SCML2: variants seen among roughly 807,000 people sequenced by gnomAD.
SCML2 encodes the protein sex comb on midleg-like protein 2.
Under a neutral mutation model 48.4 loss-of-function variants are expected in SCML2, and 6 were observed. The ratio of observed to expected loss-of-function variants is 0.12; its 90% CI spans 0.07 to 0.24. The LOEUF (loss-of-function observed/expected upper bound fraction) is 0.24. Among genes scored for constraint, SCML2 ranks in the 10% least tolerant of loss-of-function variants. The probability of loss-of-function intolerance (pLI) is 1.00; values close to 1 mark genes in which losing one functional copy is unlikely to be tolerated. For missense variants in SCML2, 377 were observed against 528.2 expected, an observed-to-expected ratio of 0.71 and a Z score of 2.81; for synonymous variants, 181 against 189.5, an observed-to-expected ratio of 0.95 and a Z score of 0.37.
At chrX:18,248,780 T>C (rs1201159862) in intron 11 of SCML2, among the ~76,000 whole-genome samples, 1 of 112,551 alleles carries the variant, frequency 8.9e-6, no homozygotes, top group East Asian at 2.8e-4. Flanking sequence ...TGGCTTTTCA[T>C]ACCCATTTAA....
chrX:18,300,036 G>A (rs1729356547), intron 7 of SCML2, among the ~76,000 whole-genome samples: 1 of 110,925 alleles, frequency 9.0e-6, no homozygotes, highest in African/African-American at 3.3e-5. Flanking sequence ...ACTATGCCTG[G>A]CCAGAAAAGG....
At chrX:18,351,217 C>T (rs1466003683) in intron 1 of SCML2, among the ~76,000 whole-genome samples, 1 of 108,920 alleles carries the variant, frequency 9.2e-6, no homozygotes, top group African/African-American at 3.3e-5. Flanking sequence ...CTGCAGTGGG[C>T]TGAGATCACG....
chrX:18,337,560 A>C (rs188870853), intron 1 of SCML2, among the ~76,000 whole-genome samples: 5 of 110,594 alleles, frequency 4.5e-5, no homozygotes, highest in African/African-American at 1.6e-4. Flanking sequence ...CAATACTCAA[A>C]AAAGATATGA....
intron 7 of SCML2, among the ~76,000 whole-genome samples, chrX:18,292,313 G>A (rs1421081863): frequency 9.0e-6 from 1 of 110,955 alleles, no homozygotes; most frequent in Non-Finnish European, 1.9e-5. Flanking sequence ...AGTTATCTAT[G>A]GAAACAGAGA....
At chrX:18,293,188 T>C (rs1449700348) in intron 7 of SCML2, among the ~76,000 whole-genome samples, 1 of 112,028 alleles carries the variant, frequency 8.9e-6, no homozygotes, top group African/African-American at 3.2e-5. Flanking sequence ...CTTTCAAGAA[T>C]ATACAAATTA....
At chrX:18,347,865 A>G (rs1472554070) in intron 1 of SCML2, among the ~76,000 whole-genome samples, 1 of 110,622 alleles carries the variant, frequency 9.0e-6, no homozygotes, top group Non-Finnish European at 1.9e-5. Context: ...TTTCTAAAGG[A>G]GCAATTTTAA....
At chrX:18,260,350 AT>A in intron 8 of SCML2, 59 bp from the exon 9 acceptor site, 1 of 900,177 alleles carries the variant, frequency 1.1e-6, no homozygotes, top group Non-Finnish European at 1.5e-6. Context: ...ATATTCTTAG[AT>A]AAGAAAGTCA....
In SCML2 at chrX:18,289,879, G is replaced by T. The variant is rs757855299; in HGVS notation, c.730+15093C>A. Reference sequence around the variant, plus strand: ...TTTCTTAAAAATGAGAATGGGATGGGAGTGTGGAAAGTAGACCTATTTCTT... The same window carrying T: ...TTTCTTAAAAATGAGAATGGGATGGTAGTGTGGAAAGTAGACCTATTTCTT... On this transcript the variant is annotated intron_variant, in intron 7 of 14. Transcript: ENST00000251900. 2.7e-5 allele frequency among the ~76,000 whole-genome samples: 3 copies of T among 111,454 alleles called. No homozygotes were observed. The East Asian group carries it at 8.4e-4, about 31-fold the overall frequency.
At chrX:18,298,685 C>T (rs141615245) in intron 7 of SCML2, among the ~76,000 whole-genome samples, 9 of 110,618 alleles carry the variant, frequency 8.1e-5, no homozygotes, top group Admixed American at 1.9e-4. Flanking sequence ...GGGGAAACCC[C>T]GTCTCTAACT....
chrX:18,333,697 C>T (rs900414836), intron 2 of SCML2, among the ~76,000 whole-genome samples: 8 of 111,994 alleles, frequency 7.1e-5, no homozygotes, highest in African/African-American at 2.6e-4. Flanking sequence ...AGATACAACA[C>T]AAAGCTGACT....
chrX:18,283,562 T>G (rs1168888212), intron 7 of SCML2, among the ~76,000 whole-genome samples: 1 of 112,736 alleles, frequency 8.9e-6, no homozygotes, highest in Non-Finnish European at 1.9e-5. Flanking sequence ...AAAAGGCTAG[T>G]AGAACTGATA....
chrX:18,275,570 TAGG>T (rs1167133685), intron 7 of SCML2, among the ~76,000 whole-genome samples: 1 of 112,450 alleles, frequency 8.9e-6, no homozygotes, highest in Non-Finnish European at 1.9e-5. Flanking sequence ...TGAGTTCCCT[TAGG>T]AGAAGGAACT....
intron 13 of SCML2, among the ~76,000 whole-genome samples, chrX:18,245,183 G>T (rs1926396631): frequency 8.9e-6 from 1 of 111,968 alleles, no homozygotes; most frequent in African/African-American, 3.2e-5. Flanking sequence ...TAGTGATGAA[G>T]ATGATGATTA....
intron 2 of SCML2, among the ~76,000 whole-genome samples, chrX:18,333,156 G>A (rs1387695578): frequency 9.2e-6 from 1 of 109,260 alleles, no homozygotes; most frequent in Admixed American, 9.9e-5. Context: ...TCACGTCTGT[G>A]GCCCCAGCCT....
intron 9 of SCML2, 63 bp from the exon 10 acceptor site, chrX:18,258,310 C>T (rs1252369998): frequency 4.6e-6 from 4 of 876,925 alleles, no homozygotes; most frequent in Non-Finnish European, 6.6e-6. Context: ...TTTGTGAAAA[C>T]ACTACATAAT....
intron 10 of SCML2, among the ~76,000 whole-genome samples, chrX:18,257,570 T>C (rs1462338492): frequency 9.0e-6 from 1 of 110,956 alleles, no homozygotes; most frequent in Non-Finnish European, 1.9e-5. Context: ...ATAACTCCTA[T>C]AAATGTTCTA....
At chrX:18,293,462 T>C (rs1281032840) in intron 7 of SCML2, among the ~76,000 whole-genome samples, 7 of 111,938 alleles carry the variant, frequency 6.3e-5, no homozygotes, top group Non-Finnish European at 1.3e-4. Context: ...ATAAAACAGA[T>C]TGTGGCAGCA....
intron 1 of SCML2, among the ~76,000 whole-genome samples, chrX:18,338,592 A>G (rs1185299144): frequency 9.1e-6 from 1 of 109,893 alleles, no homozygotes; most frequent in African/African-American, 3.3e-5. Flanking sequence ...AGGAATGGGG[A>G]GTTGGTCAAA....
intron 7 of SCML2, among the ~76,000 whole-genome samples, chrX:18,281,470 G>C (rs1024898499): frequency 8.9e-6 from 1 of 111,876 alleles, no homozygotes; most frequent in Non-Finnish European, 1.9e-5. Context: ...CCAGCACTTT[G>C]CGAGGCCAAG....
Sources: gnomAD v4.1 joint callset for allele counts (sites outside exome capture counted in the v4.1 genomes callset) on GRCh38, gnomAD v4.1.1 for gene constraint, MANE v1.5 for transcripts, NCBI Gene and HGNC (gene_info 2026-07-23, HGNC 2026-07-21) for gene names.